The following SUCLG2 variants were observed in gnomAD, a reference collection of about 807,000 sequenced individuals.
The protein encoded by SUCLG2 is succinate-CoA ligase GDP-forming subunit beta, also known as succinate--CoA ligase [GDP-forming] subunit beta, mitochondrial.
SUCLG2 carries 42 observed loss-of-function variants against 47.9 expected under a neutral mutation model. That is an observed-to-expected ratio of 0.88 (90% CI 0.69 to 1.14). The LOEUF (loss-of-function observed/expected upper bound fraction) is 1.14, where lower values mean the gene tolerates loss of function less well. Among genes scored for constraint, SUCLG2 ranks in the 50% most tolerant of loss-of-function variants. The pLI is 0.00. For synonymous variants in SUCLG2, 195 were observed against 197.3 expected (o/e 0.99, Z 0.10); for missense variants, 571 against 525.9 (o/e 1.09, Z -0.84).
intron 9 of SUCLG2, among the ~76,000 whole-genome samples, chr3:67,481,787 T>C (rs911518087): frequency 1.3e-5 from 2 of 152,138 alleles, no homozygotes; most frequent in African/African-American, 2.4e-5. Flanking sequence ...CAGAAAAAAA[T>C]TGATAAGGAA....
intron 9 of SUCLG2, among the ~76,000 whole-genome samples, chr3:67,479,563 C>T (rs1379142957): frequency 6.6e-6 from 1 of 152,206 alleles, no homozygotes; most frequent in Non-Finnish European, 1.5e-5. Context: ...GAAGGTTGTA[C>T]TCTGTAGCAA....
intron 2 of SUCLG2, among the ~76,000 whole-genome samples, chr3:67,564,834 G>C (rs1707409388): frequency 6.6e-6 from 1 of 152,284 alleles, no homozygotes; most frequent in Non-Finnish European, 1.5e-5. Flanking sequence ...TTGAAATCCA[G>C]GTACTGCAGT....
In SUCLG2 at chr3:67,413,724, A is replaced by C. The variant is rs72918943; in HGVS notation, c.1063-12873T>G. ...CTTTTCTAGGAACTGAGCAGCATCC[A>C]GTAAAGACAGATACACACACAGTAC... On this transcript the variant is annotated intron_variant, in intron 9 of 10. Coordinates refer to ENST00000307227, the MANE Select transcript of SUCLG2 (RefSeq NM_003848.4). 8.1e-4 allele frequency among the ~76,000 whole-genome samples: 123 copies of C among 152,354 alleles called. 1 individual carries two copies. Among genetic ancestry groups the C allele is most frequent in the African/African-American group, 2.8e-3 (115 of 41,592 alleles).
intron 9 of SUCLG2, among the ~76,000 whole-genome samples, chr3:67,491,396 C>A (rs1395868968): frequency 7.0e-6 from 1 of 142,320 alleles, no homozygotes; most frequent in Non-Finnish European, 1.5e-5. Flanking sequence ...CGAAGTCTCG[C>A]TCTTGTCTCC....
At chr3:67,380,754 G>A (rs1351700942) in intron 10 of SUCLG2, among the ~76,000 whole-genome samples, 4 of 151,948 alleles carry the variant, frequency 2.6e-5, no homozygotes, top group African/African-American at 9.7e-5. Context: ...GAGTCATGGG[G>A]AATAGCTCAA....
chr3:67,434,369 T>A (rs140209513), intron 9 of SUCLG2, among the ~76,000 whole-genome samples: 2 of 151,954 alleles, frequency 1.3e-5, no homozygotes, highest in Non-Finnish European at 2.9e-5. Context: ...CTACAAAAAA[T>A]GAAAAACATT....
chr3:67,475,988 C>CCTCTCTCTCTCTCTCTCTCT (rs113119377), intron 9 of SUCLG2, among the ~76,000 whole-genome samples: 57 of 146,128 alleles, frequency 3.9e-4, no homozygotes, highest in African/African-American at 1.0e-3. Context: ...TTTCCTTCTC[C>CCTCTCTCTCTCTCTCTCTCT]CTCTCTCTCT....
intron 1 of SUCLG2, 44 bp downstream of exon 1, chr3:67,654,459 C>T (rs1701349270): frequency 8.2e-7 from 1 of 1,223,034 alleles, no homozygotes; most frequent in Non-Finnish European, 1.0e-6. Flanking sequence ...CCCGGGCAGG[C>T]CGGCGCCGCT....
intron 10 of SUCLG2, among the ~76,000 whole-genome samples, chr3:67,397,712 G>A (rs996093153): frequency 1.3e-5 from 2 of 152,136 alleles, no homozygotes; most frequent in African/African-American, 2.4e-5. Flanking sequence ...GCATTGCCAA[G>A]TTAACCCTAA....
intron 10 of SUCLG2, among the ~76,000 whole-genome samples, chr3:67,398,576 C>G (rs570075578): frequency 6.6e-6 from 1 of 152,028 alleles, no homozygotes; most frequent in South Asian, 2.1e-4. Context: ...GTTGGTGGGA[C>G]TGTAAACTAG....
downstream of SUCLG2, among the ~76,000 whole-genome samples, chr3:67,373,236 C>G (rs986714228): frequency 6.7e-6 from 1 of 150,086 alleles, no homozygotes; most frequent in African/African-American, 2.4e-5. Flanking sequence ...AGGCTTTGCA[C>G]TTAAAAAACA....
At chr3:67,600,431 G>T (rs571852776) in intron 2 of SUCLG2, among the ~76,000 whole-genome samples, 26 of 152,142 alleles carry the variant, frequency 1.7e-4, no homozygotes, top group Non-Finnish European at 2.9e-4. Flanking sequence ...ATCATTCCTT[G>T]AAGTATGTAT....
At chr3:67,588,348 A>G (rs954397367) in intron 2 of SUCLG2, among the ~76,000 whole-genome samples, 10 of 152,226 alleles carry the variant, frequency 6.6e-5, no homozygotes, top group South Asian at 2.1e-4. Context: ...ATTTAATGCA[A>G]TCAAGAATTA....
At chr3:67,621,191 C>A (rs1319496845) in intron 1 of SUCLG2, among the ~76,000 whole-genome samples, 1 of 152,140 alleles carries the variant, frequency 6.6e-6, no homozygotes, top group Non-Finnish European at 1.5e-5. Context: ...ATTTGGCTAG[C>A]AGGCCAGTGT....
At position 67,439,045 on chromosome 3, in the gene SUCLG2, A is replaced by G. The variant is rs1165507865; in HGVS notation, c.1063-38194T>C. Among the ~76,000 whole-genome samples, 3 of 152,218 alleles carry G rather than the reference A, an allele frequency of 2.0e-5. No individual in the cohort carries two copies. In the East Asian group the frequency reaches 5.8e-4, roughly 29 times the overall value. ...ATCAAAAAGCTTTTCTACCACGATC[A>G]AGTAGGATTCAACCCTGGGATGCAA... On this transcript the variant is annotated intron_variant, in intron 9 of 10. Transcript: ENST00000307227.
At chr3:67,482,267 C>A (rs185204670) in intron 9 of SUCLG2, among the ~76,000 whole-genome samples, 1 of 152,118 alleles carries the variant, frequency 6.6e-6, no homozygotes, top group African/African-American at 2.4e-5. Flanking sequence ...TGCAGAAATA[C>A]CAAGCTGTAA....
intron 2 of SUCLG2, among the ~76,000 whole-genome samples, chr3:67,539,603 T>C (rs1381832673): frequency 6.6e-6 from 1 of 152,232 alleles, no homozygotes; most frequent in African/African-American, 2.4e-5. Context: ...TCCCTCCTTT[T>C]CTATTGTTTG....
chr3:67,461,858 C>T (rs1367464833), intron 9 of SUCLG2, among the ~76,000 whole-genome samples: 1 of 151,970 alleles, frequency 6.6e-6, no homozygotes, highest in Non-Finnish European at 1.5e-5. Context: ...AAAGGGATAA[C>T]AGGCAGGCAA....
intron 9 of SUCLG2, among the ~76,000 whole-genome samples, chr3:67,490,201 G>A (rs1355774098): frequency 6.6e-6 from 1 of 152,058 alleles, no homozygotes; most frequent in Non-Finnish European, 1.5e-5. Flanking sequence ...TCAGTTATAC[G>A]CATGTATCTG....
Sources: gnomAD v4.1 joint callset for allele counts (sites outside exome capture counted in the v4.1 genomes callset) on GRCh38, gnomAD v4.1.1 for gene constraint, MANE v1.5 for transcripts, NCBI Gene and HGNC (gene_info 2026-07-23, HGNC 2026-07-21) for gene names.